The following DCLK1 variants were observed in gnomAD, a reference collection of about 807,000 sequenced individuals.
The protein encoded by DCLK1 is doublecortin like kinase 1.
Under a neutral mutation model 86.2 loss-of-function variants are expected in DCLK1, and 16 were observed. The observed-to-expected ratio is 0.19, with a 90% CI of 0.13 to 0.28. DCLK1 has a LOEUF of 0.28. DCLK1 is among the 10% of genes least tolerant of loss of function. The pLI is 1.00. For synonymous variants in DCLK1, 369 were observed against 370.5 expected (o/e 1.00, Z 0.05); for missense variants, 590 against 940.2 (o/e 0.63, Z 4.87).
intron 4 of DCLK1, among the ~76,000 whole-genome samples, chr13:35,944,798 A>G (rs895905238): frequency 2.6e-5 from 4 of 152,130 alleles, no homozygotes; most frequent in Non-Finnish European, 5.9e-5. Flanking sequence ...GCCAAACCAC[A>G]AAAGATGGAG....
intron 3 of DCLK1, among the ~76,000 whole-genome samples, chr13:36,035,863 A>T (rs888895882): frequency 4.6e-5 from 7 of 152,200 alleles, no homozygotes; most frequent in Admixed American, 6.6e-5. Flanking sequence ...TATACTACTT[A>T]AAAAAGGTAT....
chr13:36,008,110 C>A (rs770672494), intron 3 of DCLK1, among the ~76,000 whole-genome samples: 2 of 141,582 alleles, frequency 1.4e-5, no homozygotes. Flanking sequence ...TAACAGGATG[C>A]TATTTTTAAC....
intron 4 of DCLK1, among the ~76,000 whole-genome samples, chr13:35,880,594 T>C (rs961674877): frequency 7.2e-5 from 11 of 152,354 alleles, no homozygotes; most frequent in Non-Finnish European, 1.5e-4. Flanking sequence ...CACAAACATG[T>C]ACCCCTTTTG....
intron 4 of DCLK1, among the ~76,000 whole-genome samples, chr13:35,888,967 A>G (rs1873468111): frequency 6.6e-6 from 1 of 152,166 alleles, no homozygotes; most frequent in African/African-American, 2.4e-5. Flanking sequence ...GTTTAAAGAC[A>G]CTCAATCTCA....
At chr13:35,971,513 A>T (rs1355732398) in intron 3 of DCLK1, among the ~76,000 whole-genome samples, 1 of 152,186 alleles carries the variant, frequency 6.6e-6, no homozygotes, top group African/African-American at 2.4e-5. Context: ...TTGTAATCCC[A>T]GCACTTTGGG....
At chr13:35,820,451 T>C (rs1487621797) in intron 11 of DCLK1, among the ~76,000 whole-genome samples, 1 of 152,200 alleles carries the variant, frequency 6.6e-6, no homozygotes, top group Non-Finnish European at 1.5e-5. Context: ...TGAATGAGCA[T>C]AATACATTAG....
At chr13:35,976,973 A>G (rs1404079020) in intron 3 of DCLK1, among the ~76,000 whole-genome samples, 2 of 152,188 alleles carry the variant, frequency 1.3e-5, no homozygotes, top group Non-Finnish European at 2.9e-5. Context: ...CAGGAAGGAT[A>G]TAGAGAGCTT....
chr13:35,863,209 A>G (rs1871527040), intron 5 of DCLK1, among the ~76,000 whole-genome samples: 2 of 152,158 alleles, frequency 1.3e-5, no homozygotes, highest in South Asian at 4.1e-4. Context: ...CTAATAACAC[A>G]TTTCTTGGAA....
At chr13:35,969,921 A>T (rs1407827088) in intron 3 of DCLK1, among the ~76,000 whole-genome samples, 3 of 152,162 alleles carry the variant, frequency 2.0e-5, no homozygotes, top group Non-Finnish European at 2.9e-5. Context: ...TTCCCCTTCC[A>T]CAGCAAGAAG....
chr13:36,023,662 A>T (rs781624263), intron 3 of DCLK1, among the ~76,000 whole-genome samples: 3 of 152,210 alleles, frequency 2.0e-5, no homozygotes, highest in Admixed American at 1.3e-4. Flanking sequence ...AAAAAAGGAA[A>T]AAAACCCACT....
intron 4 of DCLK1, among the ~76,000 whole-genome samples, chr13:35,946,717 A>G (rs888860769): frequency 1.3e-5 from 2 of 152,232 alleles, no homozygotes; most frequent in Admixed American, 1.3e-4. Context: ...TGATAGTGCT[A>G]AGATTCTCAG....
In DCLK1 at chr13:36,112,007, C is replaced by T; in HGVS notation, c.585G>A (p.Val195=). 6.2e-7 allele frequency: 1 copy of T among 1,614,228 alleles called. No individual in the cohort carries two copies. The highest frequency in any genetic ancestry group is 8.5e-7 in the Non-Finnish European group (1 of 1,180,054). Reference sequence around the variant, plus strand: ...GAATCCTGACAGCTTTCCGTGGCTTCACGCCACTTCTGATGATGGTGACCA... The same window carrying T: ...GAATCCTGACAGCTTTCCGTGGCTTTACGCCACTTCTGATGATGGTGACCA... ...PKLVTIIRSG[V]KPRKAVRILL... is the part of the protein sequence containing the mutation. The change falls in exon 3 of 17, where the codon GTG becomes GTA. Residue 195 remains valine (V), a synonymous_variant. Coordinates refer to ENST00000360631, the MANE Select transcript of DCLK1 (RefSeq NM_001330071.2).
chr13:36,044,473 A>G (rs1882805172), intron 3 of DCLK1, among the ~76,000 whole-genome samples: 1 of 152,160 alleles, frequency 6.6e-6, no homozygotes, highest in African/African-American at 2.4e-5. Flanking sequence ...TTCCAAAAGA[A>G]TTTTCTGAAG....
At chr13:36,127,664 C>T (rs1194893867) in intron 1 of DCLK1, among the ~76,000 whole-genome samples, 2 of 152,192 alleles carry the variant, frequency 1.3e-5, no homozygotes, top group East Asian at 1.9e-4. Flanking sequence ...GGCCCTGACA[C>T]ATAAAGAGCT....
rs568180859 is a variant in DCLK1, at chr13:35,794,638, G to A, written c.1945-1159C>T. Among the ~76,000 whole-genome samples the A allele has an allele frequency of 8.5e-5, 13 of 152,290 alleles. No homozygotes were observed. In the South Asian group the frequency reaches 1.9e-3, roughly 22 times the overall value. On this transcript the variant is annotated intron_variant, in intron 15 of 16. Coordinates refer to ENST00000360631, the MANE Select transcript of DCLK1 (RefSeq NM_001330071.2). ...CAGTACGTGGGGGAGAAACGATGGC[G>A]AGCAAAGACAGGCATGGGCCCTGCT...
chr13:36,119,655 G>A (rs1184576949), intron 2 of DCLK1, among the ~76,000 whole-genome samples: 1 of 152,100 alleles, frequency 6.6e-6, no homozygotes, highest in African/African-American at 2.4e-5. Context: ...CTAATCATCA[G>A]ACAAACCCAA....
At chr13:35,989,857 T>A (rs1265000779) in intron 3 of DCLK1, among the ~76,000 whole-genome samples, 2 of 152,072 alleles carry the variant, frequency 1.3e-5, no homozygotes, top group South Asian at 2.1e-4. Context: ...CAGCAAAACA[T>A]CACCTTTATA....
Position 36,045,348 on chromosome 13 carries a change from A to ATC in DCLK1, c.723+66520_723+66521insGA, listed in dbSNP as rs1566658688. 4.3e-4 allele frequency among the ~76,000 whole-genome samples: 47 copies of ATC among 108,452 alleles called. 1 individual carries two copies. The highest frequency in any genetic ancestry group is 8.3e-4 in the Admixed American group (9 of 10,832). The allele number at this position is 108,452 out of a possible 152,430, so 71.1% of individuals were successfully genotyped here. A position where few individuals can be genotyped will look rare whatever the true frequency, so the allele number is the denominator to read the frequency against. ...TGTGTGTGTGTATATATATATATAT[A>ATC]TATATATATATATATATATATATAT... is the stretch of plus-strand genomic sequence containing the variant. On this transcript the variant is annotated intron_variant, in intron 3 of 16. Coordinates refer to ENST00000360631, the MANE Select transcript of DCLK1 (RefSeq NM_001330071.2).
intron 3 of DCLK1, among the ~76,000 whole-genome samples, chr13:35,963,460 G>A (rs1237650464): frequency 2.0e-5 from 3 of 152,152 alleles, no homozygotes; most frequent in East Asian, 1.9e-4. Context: ...TGTGAAGACC[G>A]GGATTATCAA....
Sources: gnomAD v4.1 joint callset for allele counts (sites outside exome capture counted in the v4.1 genomes callset) on GRCh38, gnomAD v4.1.1 for gene constraint, MANE v1.5 for transcripts, NCBI Gene and HGNC (gene_info 2026-07-23, HGNC 2026-07-21) for gene names.